NAT2: variants seen among roughly 807,000 people sequenced by gnomAD.
The protein encoded by NAT2 is N-acetyltransferase 2.
For missense variants in NAT2, 428 were observed against 339.1 expected (o/e 1.26, Z -2.06); for synonymous variants, 137 against 125.9 (o/e 1.09, Z -0.59).
upstream of NAT2, among the ~76,000 whole-genome samples, chr8:18,389,772 A>G (rs955832134): frequency 6.6e-6 from 1 of 152,218 alleles, no homozygotes; most frequent in Non-Finnish European, 1.5e-5. Context: ...ATCAGTGTTT[A>G]TAATAACCAG....
rs200649639 is a variant in NAT2, at chr8:18,395,694, A to T, written c.-6-4304A>T. On this transcript the variant is annotated intron_variant, in intron 1 of 1. Transcript: ENST00000286479. ...AAACTTAAAACAAGTTTCATATATT[A>T]AAAGCCAAGGTAATAGCTTTGGAGA... Among the ~76,000 whole-genome samples the T allele has an allele frequency of 2.0e-4, 30 of 152,334 alleles. No individual in the cohort carries two copies. The East Asian group carries it at 4.8e-3, about 24-fold the overall frequency.
upstream of NAT2, among the ~76,000 whole-genome samples, chr8:18,390,561 G>A (rs756899755): frequency 6.6e-6 from 1 of 151,920 alleles, no homozygotes; most frequent in Non-Finnish European, 1.5e-5. Flanking sequence ...CAATTGTTAT[G>A]TGTCAAAAAA....
At position 18,400,362 on chromosome 8, in the gene NAT2, T is replaced by C; in HGVS notation, c.359T>C (p.Ile120Thr). The C allele has an allele frequency of 6.2e-7, 1 of 1,612,664 alleles. No individual in the cohort carries two copies. The highest frequency in any genetic ancestry group is 8.5e-7 in the Non-Finnish European group (1 of 1,179,424). ...GTGACCATTGACGGCAGGAATTACA[T>C]TGTCGATGCTGGGTCTGGAAGCTCC... ...LQVTIDGRNY[I>T]VDAGSGSSSQ... Residue 120 changes from isoleucine (I) to threonine (T), a missense_variant, in exon 2 of 2, where the codon ATT becomes ACT. Coordinates refer to ENST00000286479, the MANE Select transcript of NAT2 (RefSeq NM_000015.3).
At chr8:18,387,948 GT>G (rs551690066), upstream of NAT2, among the ~76,000 whole-genome samples, 490 of 152,322 alleles carry the variant, frequency 3.2e-3, 3 homozygotes, top group African/African-American at 0.011. Context: ...AAGGGTTGGA[GT>G]TGAATGTTTC....
At chr8:18,389,783 G>C (rs1800564014), upstream of NAT2, among the ~76,000 whole-genome samples, 1 of 152,172 alleles carries the variant, frequency 6.6e-6, no homozygotes, top group Admixed American at 6.5e-5. Flanking sequence ...TAATAACCAG[G>C]AGTAGGAGGC....
At chr8:18,393,169 A>G (rs1800618679) in intron 1 of NAT2, among the ~76,000 whole-genome samples, 1 of 152,134 alleles carries the variant, frequency 6.6e-6, no homozygotes, top group Non-Finnish European at 1.5e-5. Flanking sequence ...CCACTTTGAA[A>G]TTTAAAACAA....
chr8:18,400,694 G>T lies in NAT2; in HGVS notation c.691G>T (p.Val231Phe). The change falls in exon 2 of 2, where the codon GTT (valine) becomes TTT (phenylalanine). Residue 231 changes from valine to phenylalanine, a missense_variant. Val to Phe is a conservative substitution (Grantham distance 50). Coordinates refer to ENST00000286479, the MANE Select transcript of NAT2 (RefSeq NM_000015.3). ...SFCSLQTPEGVYCLVGFILTY... is the reference protein window; with the variant it reads ...SFCSLQTPEGFYCLVGFILTY... ...TTGTTCCTTGCAGACCCCAGAAGGG[G>T]TTTACTGTTTGGTGGGCTTCATCCT... 4.3e-6 allele frequency: 7 copies of T among 1,613,856 alleles called. No individual in the cohort carries two copies. The highest frequency in any genetic ancestry group is 5.9e-6 in the Non-Finnish European group (7 of 1,179,948).
chr8:18,391,676 A>G (rs1217280728), intron 1 of NAT2, among the ~76,000 whole-genome samples: 1 of 152,192 alleles, frequency 6.6e-6, no homozygotes, highest in African/African-American at 2.4e-5. Context: ...CAGACCCTGA[A>G]GGAAATCAAT....
At chr8:18,388,097 G>A (rs866073879), upstream of NAT2, among the ~76,000 whole-genome samples, 22 of 152,204 alleles carry the variant, frequency 1.4e-4, no homozygotes, top group African/African-American at 4.6e-4. Context: ...AGTATTCACA[G>A]TGAGAACTTG....
chr8:18,390,547 T>C (rs995919857), upstream of NAT2, among the ~76,000 whole-genome samples: 27 of 152,204 alleles, frequency 1.8e-4, no homozygotes, highest in Admixed American at 1.2e-3. Flanking sequence ...CAAATAAATA[T>C]ATACAATTGT....
upstream of NAT2, among the ~76,000 whole-genome samples, chr8:18,388,202 T>C (rs1800535470): frequency 6.6e-6 from 1 of 152,216 alleles, no homozygotes; most frequent in Non-Finnish European, 1.5e-5. Flanking sequence ...ACACTGAGTC[T>C]CAACAATTCA....
intron 1 of NAT2, among the ~76,000 whole-genome samples, chr8:18,393,707 A>G (rs923693589): frequency 6.6e-6 from 1 of 152,196 alleles, no homozygotes; most frequent in East Asian, 1.9e-4. Flanking sequence ...CAAGACTTTA[A>G]GAAAACCCCA....
upstream of NAT2, among the ~76,000 whole-genome samples, chr8:18,386,428 G>A (rs938709581): frequency 2.0e-5 from 3 of 152,114 alleles, no homozygotes; most frequent in African/African-American, 7.2e-5. Flanking sequence ...TTGAGCTGCG[G>A]AATGCGGCCC....
rs45542734 is a variant in NAT2, at chr8:18,396,687, C to T, written c.-6-3311C>T. ...GGGATGACAGGCATGAACCAATGCACCCAGCCTGTAATTTTTTAAATAAAT... is the reference window on the plus strand; with the variant it reads ...GGGATGACAGGCATGAACCAATGCATCCAGCCTGTAATTTTTTAAATAAAT... On this transcript the variant is annotated intron_variant, in intron 1 of 1. Coordinates refer to ENST00000286479, the MANE Select transcript of NAT2 (RefSeq NM_000015.3). Among the ~76,000 whole-genome samples the T allele has an allele frequency of 3.2e-3, 489 of 152,246 alleles. 3 individuals are homozygous for T. Among genetic ancestry groups the T allele is most frequent in the African/African-American group, 0.011 (472 of 41,546 alleles).
chr8:18,391,954 A>G (rs1800597957), intron 1 of NAT2, among the ~76,000 whole-genome samples: 1 of 152,244 alleles, frequency 6.6e-6, no homozygotes, highest in Admixed American at 6.5e-5. Flanking sequence ...GCAAGTCTTT[A>G]GACAAAACTT....
At chr8:18,395,219 A>T (rs1800662908) in intron 1 of NAT2, among the ~76,000 whole-genome samples, 1 of 152,060 alleles carries the variant, frequency 6.6e-6, no homozygotes, top group African/African-American at 2.4e-5. Flanking sequence ...ATAAAGCTTC[A>T]TTCAAAAGCA....
At chr8:18,390,638 A>G (rs55736132), upstream of NAT2, among the ~76,000 whole-genome samples, 629 of 152,212 alleles carry the variant, frequency 4.1e-3, 1 homozygote, top group East Asian at 0.028. Context: ...AAATCTTTTC[A>G]TTAAATATGG....
upstream of NAT2, among the ~76,000 whole-genome samples, chr8:18,391,031 C>A (rs1003014757): frequency 1.3e-5 from 2 of 152,114 alleles, no homozygotes; most frequent in African/African-American, 2.4e-5. Flanking sequence ...CATCAGACTT[C>A]CAGAGAGCAA....
intron 1 of NAT2, among the ~76,000 whole-genome samples, chr8:18,395,122 G>A (rs1800661680): frequency 6.6e-6 from 1 of 152,176 alleles, no homozygotes; most frequent in Non-Finnish European, 1.5e-5. Context: ...GATATTGGGT[G>A]AGCAATCTTC....
Sources: gnomAD v4.1 joint callset for allele counts (sites outside exome capture counted in the v4.1 genomes callset) on GRCh38, gnomAD v4.1.1 for gene constraint, MANE v1.5 for transcripts, NCBI Gene and HGNC (gene_info 2026-07-23, HGNC 2026-07-21) for gene names.